Variants in ARSG observed in about 807,000 individuals in gnomAD.
The protein encoded by ARSG is arylsulfatase G, also known as ASG.
ARSG carries 37 observed loss-of-function variants against 50.5 expected under a neutral mutation model. The observed-to-expected ratio is 0.73, with a 90% CI of 0.56 to 0.96. The LOEUF is 0.96. ARSG is among the 50% of genes least tolerant of loss of function. ARSG has a pLI of 0.00. For synonymous variants in ARSG, 225 were observed against 254.6 expected, an observed-to-expected ratio of 0.88 and a Z score of 1.11; for missense variants, 629 against 675.3, an observed-to-expected ratio of 0.93 and a Z score of 0.76.
intron 11 of ARSG, among the ~76,000 whole-genome samples, chr17:68,403,345 C>G (rs1430366859): frequency 6.6e-6 from 1 of 152,160 alleles, no homozygotes; most frequent in Non-Finnish European, 1.5e-5. Flanking sequence ...TTTAAATGAT[C>G]ACAATCAGAT....
intron 2 of ARSG, among the ~76,000 whole-genome samples, chr17:68,325,542 C>T (rs1358054138): frequency 6.6e-6 from 1 of 152,116 alleles, no homozygotes; most frequent in Admixed American, 6.5e-5. Flanking sequence ...TCCCTGGTAC[C>T]AGGAAGGTGG....
At chr17:68,286,230 T>C (rs2075839513) in intron 1 of ARSG, among the ~76,000 whole-genome samples, 1 of 152,182 alleles carries the variant, frequency 6.6e-6, no homozygotes, top group African/African-American at 2.4e-5. Flanking sequence ...CCCTTTCCTC[T>C]CTTCCCTTGC....
chr17:68,271,310 A>C lies in ARSG; in HGVS notation c.-552+11884A>C. 1 of 1,614,248 alleles carries C rather than the reference A, an allele frequency of 6.2e-7. No individual in the cohort carries two copies. Among genetic ancestry groups the C allele is most frequent in the South Asian group, 1.1e-5 (1 of 91,086 alleles). ...TTCTCTTTCAAAATGGAGAAGTCTA[A>C]TAGCGGGGCTTTCTTTTCGCTTGGC... On this transcript the variant is annotated intron_variant, in intron 1 of 11. Coordinates refer to the ARSG transcript ENST00000448504. The surrounding 1 kb of genome is among the most constrained non-coding windows in gnomAD (Gnocchi z 5.3).
rs2080345956 is a variant in ARSG, at chr17:68,379,877, T to C, written c.983-5187T>C. ...TGGTTGGCACTTCTCTGGCAGGCAT[T>C]ATGCAAAAGTACCTTGCTTGAAGCT... On this transcript the variant is annotated intron_variant, in intron 8 of 11. Transcript: ENST00000621439. The C allele has an allele frequency of 1.3e-5, 13 of 984,968 alleles. No homozygotes were observed. In the South Asian group the frequency reaches 6.1e-4, roughly 46 times the overall value. The allele number at this position is 984,968 out of a possible 1,614,324, so 61.0% of individuals were successfully genotyped here. A position where few individuals can be genotyped will look rare whatever the true frequency, so the allele number is the denominator to read the frequency against.
chr17:68,364,091 C>G (rs1442716203), intron 6 of ARSG, among the ~76,000 whole-genome samples: 1 of 152,142 alleles, frequency 6.6e-6, no homozygotes, highest in African/African-American at 2.4e-5. Context: ...CTGCCCTCTT[C>G]CATTTCGGAT....
chr17:68,433,759 A>AGTT, the ARSG span, among the ~76,000 whole-genome samples: 19 of 87,114 alleles, frequency 2.2e-4, 1 homozygote, highest in South Asian at 1.9e-3. Flanking sequence ...AAAGGGTCAT[A>AGTT]GTTTTTTTTT....
At chr17:68,339,833 C>A (rs908250703) in intron 2 of ARSG, among the ~76,000 whole-genome samples, 1 of 152,190 alleles carries the variant, frequency 6.6e-6, no homozygotes, top group African/African-American at 2.4e-5. Flanking sequence ...TGACACTAAA[C>A]TTAATCATTT....
At chr17:68,374,860 AAAAAG>A (rs985358270) in intron 8 of ARSG, among the ~76,000 whole-genome samples, 20 of 151,508 alleles carry the variant, frequency 1.3e-4, no homozygotes, top group Non-Finnish European at 2.2e-4. Flanking sequence ...GAAAAAAAAA[AAAAAG>A]AAAAGAGAAA....
At chr17:68,313,681 CTCT>C (rs2076955047) in intron 2 of ARSG, among the ~76,000 whole-genome samples, 1 of 123,398 alleles carries the variant, frequency 8.1e-6, no homozygotes, top group African/African-American at 3.0e-5. Flanking sequence ...CTCTCTCTCT[CTCT>C]TTTTTTTTTT....
Position 68,343,658 on chromosome 17 carries a change from G to A in ARSG, c.273G>A (p.Leu91=). The part of the protein sequence containing the change: ...ASTCSPSRAS[L]LTGRLGLRNG... The stretch of plus-strand genomic sequence containing the variant: ...CCTGCTCACCCTCCCGGGCTTCCTT[G>A]CTCACCGGCCGGCTTGGCCTTCGCA... The change falls in exon 3 of 12, where the codon TTG becomes TTA. Residue 91 remains leucine, a synonymous_variant. Transcript: ENST00000621439. 1.2e-6 allele frequency: 2 copies of A among 1,614,012 alleles called. No individual in the cohort carries two copies. Among genetic ancestry groups the A allele is most frequent in the Non-Finnish European group, 1.7e-6 (2 of 1,179,938 alleles).
rs75209654 is a variant in ARSG at position 68,351,559 on chromosome 17, G to A, written c.455-16G>A. ...CGCAGCCACGTGGGGGTGCTAACCG[G>A]TTGCTTCTATTCCAGGTTTTGATTA... On this transcript the variant is annotated splice_polypyrimidine_tract_variant and intron_variant, in intron 4 of 11. Coordinates refer to ENST00000621439, the MANE Select transcript of ARSG (RefSeq NM_001267727.2). 0.029 allele frequency: 43,349 copies of A among 1,504,670 alleles called. 739 individuals carry two copies. Among genetic ancestry groups the A allele is most frequent in the Non-Finnish European group, 0.035 (37,489 of 1,080,238 alleles). The allele number at this position is 1,504,670 out of a possible 1,614,324, so 93.2% of individuals were successfully genotyped here. A position where few individuals can be genotyped will look rare whatever the true frequency, so the allele number is the denominator to read the frequency against.
intron 8 of ARSG, among the ~76,000 whole-genome samples, chr17:68,374,859 A>G (rs1288230072): frequency 1.3e-5 from 2 of 151,514 alleles, no homozygotes; most frequent in Non-Finnish European, 2.9e-5. Context: ...AGAAAAAAAA[A>G]AAAAAGAAAA....
chr17:68,416,009 A>G (rs1160066296), intron 11 of ARSG, among the ~76,000 whole-genome samples: 1 of 152,168 alleles, frequency 6.6e-6, no homozygotes, highest in Non-Finnish European at 1.5e-5. Flanking sequence ...TAGACCATTT[A>G]CATTCAGTGT....
rs181071632 is a variant in ARSG, at chr17:68,347,991, T to G, written c.454+819T>G. Among the ~76,000 whole-genome samples, 4 of 152,320 alleles carry G rather than the reference T, an allele frequency of 2.6e-5. No homozygotes were observed. The East Asian group carries it at 7.7e-4, about 29-fold the overall frequency. On this transcript the variant is annotated intron_variant, in intron 4 of 11. Coordinates refer to ENST00000621439, the MANE Select transcript of ARSG (RefSeq NM_001267727.2). ...CTGGCGGAAGGTTTGCATTGGAAGA[T>G]TTTTGCATTTGGAGAATGACTTTCA...
At chr17:68,386,377 A>T (rs1457519133) in intron 9 of ARSG, among the ~76,000 whole-genome samples, 3 of 152,184 alleles carry the variant, frequency 2.0e-5, no homozygotes, top group African/African-American at 7.2e-5. Context: ...ACAGCTGAGT[A>T]GAGGCAGGCA....
intron 11 of ARSG, among the ~76,000 whole-genome samples, chr17:68,417,741 T>TTTTTTA (rs1295095121): frequency 9.4e-6 from 1 of 106,464 alleles, no homozygotes; most frequent in African/African-American, 4.4e-5. Context: ...GAATTTTTTT[T>TTTTTTA]TTTTTTTTTT....
At chr17:68,312,039 A>G (rs753541031) in intron 2 of ARSG, among the ~76,000 whole-genome samples, 18 of 152,110 alleles carry the variant, frequency 1.2e-4, no homozygotes, top group Middle Eastern at 6.8e-3. Flanking sequence ...ACCTCAAGTG[A>G]TCCACTCGCC....
chr17:68,367,845 C>T lies in ARSG; in HGVS notation c.705-703C>T, dbSNP rs1411527663. Among the ~76,000 whole-genome samples, 4 of 152,142 alleles carry T rather than the reference C, an allele frequency of 2.6e-5. 1 individual carries two copies. Among genetic ancestry groups the T allele is most frequent in the Non-Finnish European group, 5.9e-5 (4 of 68,018 alleles). On this transcript the variant is annotated intron_variant, in intron 6 of 11. Transcript: ENST00000621439. The surrounding 1 kb of genome is among the most constrained non-coding windows in gnomAD (Gnocchi z 4.5). The stretch of plus-strand genomic sequence containing the variant: ...CAGCACTTTGGGAGGCCGAGGAGGG[C>T]AGCTCACCCGAGGTCAGGAGTTTGA...
chr17:68,433,712 G>T, the ARSG span: 1 of 419,096 alleles, frequency 2.4e-6, no homozygotes, highest in Non-Finnish European at 4.2e-6. Flanking sequence ...AAACACTGTG[G>T]TGCTCATATT....
Sources: allele counts gnomAD v4.1 joint callset (sites outside exome capture counted in the v4.1 genomes callset), GRCh38; gene constraint gnomAD v4.1.1; non-coding constraint Gnocchi (gnomAD v3.1); transcripts MANE v1.5; gene names NCBI Gene and HGNC (gene_info 2026-07-23, HGNC 2026-07-21).